HTT: variants seen among roughly 807,000 people sequenced by gnomAD.
The protein encoded by HTT is huntington disease protein.
HTT carries 104 observed loss-of-function variants against 362.3 expected under a neutral mutation model. That is an observed-to-expected ratio of 0.29 (90% confidence interval 0.24 to 0.34). HTT has a LOEUF of 0.34. HTT is among the 10% of genes least tolerant of loss of function. The pLI is 1.00. For missense variants in HTT, 3,301 were observed against 3,928.6 expected (o/e 0.84, Z 4.27); for synonymous variants, 1,577 against 1,548.7 (o/e 1.02, Z -0.43).
chr4:3,123,260 T>C (rs761644218), intron 10 of HTT: 4 of 217,262 alleles, frequency 1.8e-5, no homozygotes, highest in Admixed American at 5.8e-5. Flanking sequence ...ATGGGCCATA[T>C]GGTCTCTTTT....
At chr4:3,076,605 T>C (rs1381037348) in intron 1 of HTT, among the ~76,000 whole-genome samples, 3 of 152,244 alleles carry the variant, frequency 2.0e-5, no homozygotes. Context: ...TTTACTGTAG[T>C]GCTTTTCTAG....
At chr4:3,148,679 T>TC (rs768957820) in intron 26 of HTT, among the ~76,000 whole-genome samples, 42 of 152,216 alleles carry the variant, frequency 2.8e-4, no homozygotes, top group Non-Finnish European at 5.0e-4. Flanking sequence ...GCGCCTGTAG[T>TC]CCCAGCTGCT....
rs1317446502 is a variant in HTT, at chr4:3,212,037, C to T, written c.6523C>T (p.Arg2175Cys). 6.2e-6 allele frequency: 10 copies of T among 1,614,014 alleles called. No homozygotes were observed. Among genetic ancestry groups the T allele is most frequent in the Middle Eastern group, 1.6e-4 (1 of 6,084 alleles). Residue 2175 changes from arginine to cysteine, a missense_variant, in exon 48 of 67, where the codon CGT (arginine) becomes TGT (cysteine). Coordinates refer to ENST00000355072, the MANE Select transcript of HTT (RefSeq NM_001388492.1). ...AGCAGCCCGTGAGGTGACTCTGGCC[C>T]GTGTGAGCGGCACCGTGCAGCAGCT... is the stretch of plus-strand genomic sequence containing the variant. ...FEAAREVTLA[R>C]VSGTVQQLPA...
chr4:3,204,217 C>T (rs1283217576), intron 42 of HTT, 69 bp downstream of exon 42: 4 of 1,541,458 alleles, frequency 2.6e-6, no homozygotes, highest in Non-Finnish European at 3.6e-6. Context: ...GTGTAGATGA[C>T]ACTTGCATGG....
At chr4:3,229,074 CCCACACACA>C (rs1238676047) in intron 59 of HTT, 65 bp downstream of exon 59, 2 of 1,483,930 alleles carry the variant, frequency 1.3e-6, no homozygotes, top group African/African-American at 2.8e-5. Context: ...CGCCACACAC[CCCACACACA>C]CACACCGCCC....
chr4:3,125,098 A>G (rs190576596), intron 10 of HTT, among the ~76,000 whole-genome samples: 588 of 152,316 alleles, frequency 3.9e-3, no homozygotes, highest in Non-Finnish European at 7.2e-3. Context: ...GAAAATTAAA[A>G]GATAATAAAA....
rs1721725375 is a variant in HTT at position 3,239,891 on chromosome 4, C to T, written c.9261C>T (p.Asp3087=). The T allele has an allele frequency of 8.3e-6, 13 of 1,570,354 alleles. No individual in the cohort carries two copies. Among genetic ancestry groups the T allele is most frequent in the Non-Finnish European group, 3.5e-6 (4 of 1,156,706 alleles). ...ISRMGKLEQV[D]VNLFCLVATD... ...GGATGGGCAAGCTGGAGCAGGTGGA[C>T]GTGAACCTTTTCTGCCTGGTCGCCA... is the stretch of plus-strand genomic sequence containing the variant. Residue 3087 remains aspartate (D), a synonymous_variant, in exon 67 of 67, where the codon GAC becomes GAT. Coordinates refer to ENST00000355072, the MANE Select transcript of HTT (RefSeq NM_001388492.1).
At chr4:3,110,137 T>A (rs1359602111) in intron 6 of HTT, among the ~76,000 whole-genome samples, 1 of 152,206 alleles carries the variant, frequency 6.6e-6, no homozygotes, top group Non-Finnish European at 1.5e-5. Flanking sequence ...CAGAGGCCAT[T>A]GCTGCTGCCT....
chr4:3,143,062 A>G (rs1215820484), intron 23 of HTT, among the ~76,000 whole-genome samples, 176 bp downstream of exon 23: 2 of 152,212 alleles, frequency 1.3e-5, no homozygotes, highest in Admixed American at 1.3e-4. Flanking sequence ...TACTCCAGGA[A>G]TGTAAATGAC....
At chr4:3,133,633 G>T (rs1715930034) in intron 18 of HTT, among the ~76,000 whole-genome samples, 1 of 151,966 alleles carries the variant, frequency 6.6e-6, no homozygotes, top group South Asian at 2.1e-4. Context: ...AGTGGAATAG[G>T]CTCAATTCTT....
rs749913072 is a variant in HTT, at chr4:3,235,766, T to TGCATGTACACAGGTGA, written c.8784_8785+14dup. On this transcript the variant is annotated frameshift_variant, in exon 63 of 67. Coordinates refer to ENST00000355072, the MANE Select transcript of HTT (RefSeq NM_001388492.1). LOFTEE classifies it high-confidence loss of function. ...GGCGGCTCTGGGCCTGATGCTCACC[T>TGCATGTACACAGGTGA]GCATGTACACAGGTGAGCATGTACA... is the stretch of plus-strand genomic sequence containing the variant. 2 of 1,607,992 alleles carry TGCATGTACACAGGTGA rather than the reference T, an allele frequency of 1.2e-6. No individual in the cohort carries two copies. The highest frequency in any genetic ancestry group is 1.7e-6 in the Non-Finnish European group (2 of 1,179,384).
chr4:3,078,058 G>T lies in HTT; in HGVS notation c.263+2970G>T, dbSNP rs78225241. Among the ~76,000 whole-genome samples the T allele has an allele frequency of 1.5e-3, 224 of 152,312 alleles. 6 individuals are homozygous for T. The East Asian group carries it at 0.036, about 24-fold the overall frequency. ...TGGGCCTCAGTTTATGAGTGTTTGT[G>T]CTCTGCTCAGCATACAGGATGCAGG... On this transcript the variant is annotated intron_variant, in intron 1 of 66. Transcript: ENST00000355072.
intron 6 of HTT, 102 bp from the exon 7 acceptor site, chr4:3,115,202 T>C: frequency 8.2e-7 from 1 of 1,212,976 alleles, no homozygotes; most frequent in Non-Finnish European, 1.2e-6. Flanking sequence ...GTTTATACTT[T>C]GCAAGAATTG....
At chr4:3,093,292 T>C (rs1200325519) in intron 2 of HTT, among the ~76,000 whole-genome samples, 1 of 152,162 alleles carries the variant, frequency 6.6e-6, no homozygotes, top group Non-Finnish European at 1.5e-5. Context: ...ATAGAGCAGG[T>C]AGGGTACTCA....
intron 26 of HTT, among the ~76,000 whole-genome samples, chr4:3,148,743 A>C (rs1336939687): frequency 1.3e-5 from 2 of 152,208 alleles, no homozygotes; most frequent in African/African-American, 4.8e-5. Flanking sequence ...GCTTGCAGTG[A>C]GCCGAGATCG....
chr4:3,116,728 GTGTCGGAACAAAA>G (rs1467363645), intron 8 of HTT, among the ~76,000 whole-genome samples: 5 of 152,198 alleles, frequency 3.3e-5, no homozygotes, highest in Non-Finnish European at 7.3e-5. Context: ...GTCGTTTGGG[GTGTCGGAACAAAA>G]TGTCGGAACT....
Position 3,129,939 on chromosome 4 carries a change from G to T in HTT, c.1759G>T (p.Asp587Tyr), listed in dbSNP as rs1342156429. The T allele has an allele frequency of 1.2e-6, 2 of 1,614,024 alleles. No homozygotes were observed. Among genetic ancestry groups the T allele is most frequent in the Non-Finnish European group, 1.7e-6 (2 of 1,179,970 alleles). Residue 587 changes from aspartate to tyrosine, a missense_variant, in exon 13 of 67, where the codon GAC becomes TAC. Asp to Tyr is a radical substitution (Grantham distance 160). Around this residue, in one of 4 missense-constraint regions of HTT, gnomAD observed 2,316 missense variants for 2,658.5 expected, o/e 0.87. Coordinates refer to ENST00000355072, the MANE Select transcript of HTT (RefSeq NM_001388492.1). Reference sequence around the variant, plus strand: ...AACCGTTTAGGTGTTAGACGGTACCGACAACCAGTATTTGGGCCTGCAGAT... The same window carrying T: ...AACCGTTTAGGTGTTAGACGGTACCTACAACCAGTATTTGGGCCTGCAGAT... ...DSSEIVLDGT[D>Y]NQYLGLQIGQ...
chr4:3,228,581 C>G lies in HTT; in HGVS notation c.7849-34C>G, dbSNP rs774533596. 6.6e-7 allele frequency: 1 copy of G among 1,525,732 alleles called. No homozygotes were observed. The highest frequency in any genetic ancestry group is 1.4e-5 in the African/African-American group (1 of 72,186). The allele number at this position is 1,525,732 out of a possible 1,614,324, so 94.5% of individuals were successfully genotyped here. ...CCCACCAGGAGCCTGGCACTGTGGC[C>G]GCAGCACTGAGCAGTGCCCCGTTTC... is the stretch of plus-strand genomic sequence containing the variant. On this transcript the variant is annotated intron_variant, in intron 57 of 66. Coordinates refer to ENST00000355072, the MANE Select transcript of HTT (RefSeq NM_001388492.1). The surrounding 1 kb of genome is among the most constrained non-coding windows in gnomAD (Gnocchi z 4.3).
chr4:3,199,482 G>A (rs2003530), intron 40 of HTT, among the ~76,000 whole-genome samples: 18,388 of 151,534 alleles, frequency 0.12, 1,275 homozygotes, highest in African/African-American at 0.19. Context: ...GGAGTTTGCA[G>A]TGAGCCAAGA....
Sources: gnomAD v4.1 joint callset for allele counts (sites outside exome capture counted in the v4.1 genomes callset) on GRCh38, gnomAD v4.1.1 for gene constraint, gnomAD v4.1.1 regional missense constraint, Gnocchi (gnomAD v3.1) non-coding constraint, MANE v1.5 for transcripts, NCBI Gene and HGNC (gene_info 2026-07-23, HGNC 2026-07-21) for gene names.